Variants in ZNF567 observed in about 807,000 individuals in gnomAD.
The protein encoded by ZNF567 is zinc finger protein 567.
In ZNF567, 36 loss-of-function variants were observed where a neutral mutation model predicts 53.9. That is an observed-to-expected ratio of 0.67 (90% CI 0.51 to 0.88). The LOEUF (loss-of-function observed/expected upper bound fraction) is 0.88. ZNF567 is among the 40% of genes least tolerant of loss of function. The probability of loss-of-function intolerance (pLI) is 0.00; values close to 1 mark genes in which losing one functional copy is unlikely to be tolerated. For missense variants in ZNF567, 619 were observed against 764.7 expected (o/e 0.81, Z 2.25); for synonymous variants, 224 against 260.4 (o/e 0.86, Z 1.35).
chr19:36,722,010 T>G (rs1329217617), downstream of ZNF567, among the ~76,000 whole-genome samples: 1 of 152,150 alleles, frequency 6.6e-6, no homozygotes, highest in African/African-American at 2.4e-5. Flanking sequence ...CCCAAAGTGC[T>G]GGGATTACAG....
upstream of ZNF567, chr19:36,686,698 C>G (rs1177925996): frequency 1.3e-5 from 2 of 152,180 alleles, no homozygotes; most frequent in Non-Finnish European, 2.9e-5. Context: ...CTCGAAAAGC[C>G]TCGTTCCGAA....
chr19:36,686,960 A>T (rs958884525), upstream of ZNF567, among the ~76,000 whole-genome samples: 9 of 152,174 alleles, frequency 5.9e-5, no homozygotes, highest in Admixed American at 3.9e-4. Flanking sequence ...CCCTGAGAAG[A>T]CAACGCGGGC....
chr19:36,694,487 A>G (rs1244755982), intron 2 of ZNF567, among the ~76,000 whole-genome samples: 1 of 152,158 alleles, frequency 6.6e-6, no homozygotes. Context: ...TGGCAGTACT[A>G]TGAATGGTAC....
rs778652307 is a variant in ZNF567, at chr19:36,720,645, G to A, written c.1921G>A (p.Gly641Arg). The change falls in exon 6 of 6, where the codon GGA becomes AGA. Residue 641 changes from glycine to arginine, a missense_variant. Physicochemically the swap from Gly to Arg is moderately radical, Grantham distance 125. Coordinates refer to ENST00000682579, the MANE Select transcript of ZNF567 (RefSeq NM_001322917.1). ...NLIVHQRTHK[G>R]ENIEMQ ...CATTGTCCATCAAAGAACTCACAAGGGAGAAAACATTGAAATGCAATAAAT... is the reference window on the plus strand; with the variant it reads ...CATTGTCCATCAAAGAACTCACAAGAGAGAAAACATTGAAATGCAATAAAT... The A allele has an allele frequency of 9.7e-6, 15 of 1,542,882 alleles. No homozygotes were observed. In the South Asian group the frequency reaches 1.7e-4, roughly 17 times the overall value.
chr19:36,666,952 G>C, the ZNF567 span: 1 of 152,468 alleles, frequency 6.6e-6, no homozygotes, highest in Non-Finnish European at 1.5e-5. Flanking sequence ...ACCCGAGGCT[G>C]GAGTGACGCC....
At chr19:36,708,527 T>C (rs1222364388) in intron 3 of ZNF567, among the ~76,000 whole-genome samples, 2 of 152,206 alleles carry the variant, frequency 1.3e-5, no homozygotes, top group Non-Finnish European at 2.9e-5. Flanking sequence ...TTGATATTGA[T>C]AATGTGGGTT....
intron 5 of ZNF567, among the ~76,000 whole-genome samples, chr19:36,715,502 TAATA>T (rs1568711412): frequency 7.7e-4 from 20 of 25,874 alleles, no homozygotes; most frequent in Middle Eastern, 0.026. Context: ...ATAATAATAA[TAATA>T]ATAATTATTA....
Position 36,719,006 on chromosome 19 carries a change from T to C in ZNF567, c.282T>C (p.Tyr94=). The change falls in exon 6 of 6, where the codon TAT becomes TAC. Residue 94 remains tyrosine, a synonymous_variant. Coordinates refer to ENST00000682579, the MANE Select transcript of ZNF567 (RefSeq NM_001322917.1). The part of the protein sequence containing the change: ...LVKFKEHQEK[Y]SRSVVSINHK... ...AATTCAAGGAACACCAAGAGAAGTA[T>C]TCTAGATCAGTTGTAAGCATCAACC... The C allele has an allele frequency of 6.3e-7, 1 of 1,598,834 alleles. No homozygotes were observed. Among genetic ancestry groups the C allele is most frequent in the Non-Finnish European group, 8.5e-7 (1 of 1,176,078 alleles).
chr19:36,697,707 G>T (rs558007351), intron 3 of ZNF567, among the ~76,000 whole-genome samples: 1 of 151,610 alleles, frequency 6.6e-6, no homozygotes, highest in East Asian at 1.9e-4. Context: ...TGCCTCCCAG[G>T]TTCAAGCGAT....
At chr19:36,698,266 A>G (rs1159650124) in intron 3 of ZNF567, among the ~76,000 whole-genome samples, 1 of 151,770 alleles carries the variant, frequency 6.6e-6, no homozygotes, top group East Asian at 1.9e-4. Flanking sequence ...ATCATTTTTT[A>G]TGGCTGCATA....
At chr19:36,708,159 G>T (rs2039596702) in intron 3 of ZNF567, among the ~76,000 whole-genome samples, 1 of 152,256 alleles carries the variant, frequency 6.6e-6, no homozygotes, top group African/African-American at 2.4e-5. Flanking sequence ...CAGAGTTCTG[G>T]AATTACTGGC....
upstream of ZNF567, chr19:36,687,553 G>C (rs10422700): frequency 6.6e-6 from 1 of 152,304 alleles, no homozygotes. Flanking sequence ...CCGGTGGACA[G>C]CAGGAACGCG....
chr19:36,682,006 G>A, the ZNF567 span, among the ~76,000 whole-genome samples: 1 of 152,040 alleles, frequency 6.6e-6, no homozygotes, highest in African/African-American at 2.4e-5. Flanking sequence ...GGGTGCTATG[G>A]CTCACACTTG....
At chr19:36,718,882 TA>T (rs2040187269) in intron 5 of ZNF567, 65 bp from the exon 6 acceptor site, 2 of 1,342,216 alleles carry the variant, frequency 1.5e-6, no homozygotes, top group East Asian at 4.6e-5. Flanking sequence ...TAGACCCTAG[TA>T]AAATTTCTTT....
At chr19:36,724,450 A>T (rs892249303), downstream of ZNF567, among the ~76,000 whole-genome samples, 11 of 151,972 alleles carry the variant, frequency 7.2e-5, no homozygotes, top group African/African-American at 2.2e-4. Context: ...TCAGAGGCTG[A>T]GGCAGTCTGA....
At chr19:36,667,769 C>A in the ZNF567 span, among the ~76,000 whole-genome samples, 4 of 151,484 alleles carry the variant, frequency 2.6e-5, no homozygotes, top group South Asian at 8.3e-4. Flanking sequence ...CCTGCCTCAG[C>A]CTCCCGAGTA....
At chr19:36,673,470 C>A in the ZNF567 span, among the ~76,000 whole-genome samples, 2 of 152,088 alleles carry the variant, frequency 1.3e-5, no homozygotes, top group Non-Finnish European at 2.9e-5. Context: ...AATGGATGAG[C>A]CTCATTCAAT....
downstream of ZNF567, among the ~76,000 whole-genome samples, chr19:36,724,127 C>T (rs1391300389): frequency 6.7e-6 from 1 of 149,760 alleles, no homozygotes; most frequent in East Asian, 2.1e-4. Flanking sequence ...CCAGCTCAGT[C>T]TCCCGAGTAG....
intron 5 of ZNF567, among the ~76,000 whole-genome samples, chr19:36,713,445 C>G (rs1269258364): frequency 7.1e-6 from 1 of 140,030 alleles, no homozygotes; most frequent in Non-Finnish European, 1.6e-5. Context: ...GAGCAAGAGC[C>G]TGTCTCAAAA....
Sources: allele counts gnomAD v4.1 joint callset (sites outside exome capture counted in the v4.1 genomes callset), GRCh38; gene constraint gnomAD v4.1.1; transcripts MANE v1.5; gene names NCBI Gene and HGNC (gene_info 2026-07-23, HGNC 2026-07-21).